TENM2: variants seen among roughly 807,000 people sequenced by gnomAD.
The protein encoded by TENM2 is teneurin transmembrane protein 2.
TENM2 carries 52 observed loss-of-function variants against 245.2 expected under a neutral mutation model. The ratio of observed to expected loss-of-function variants is 0.21; its 90% CI spans 0.17 to 0.27. The LOEUF (loss-of-function observed/expected upper bound fraction) is 0.27. Ranked by LOEUF, TENM2 falls within the 10% of genes least tolerant of loss-of-function variation. TENM2 has a pLI of 1.00. For synonymous variants in TENM2, 1,363 were observed against 1,438.9 expected, an observed-to-expected ratio of 0.95 and a Z score of 1.19; for missense variants, 3,046 against 3,666.8, an observed-to-expected ratio of 0.83 and a Z score of 4.37.
chr5:167,309,299 CTACTT>C (rs1168630033), intron 1 of TENM2, among the ~76,000 whole-genome samples: 3 of 152,150 alleles, frequency 2.0e-5, no homozygotes, highest in African/African-American at 4.8e-5. Flanking sequence ...TTACAATTCT[CTACTT>C]TACTATGATG....
At chr5:167,192,460 G>A in the TENM2 span, among the ~76,000 whole-genome samples, 8 of 152,126 alleles carry the variant, frequency 5.3e-5, no homozygotes, top group African/African-American at 1.9e-4. Flanking sequence ...CACAAAAGTG[G>A]TCATTTTGGT....
chr5:167,557,030 C>G (rs1773302097), intron 2 of TENM2, among the ~76,000 whole-genome samples: 2 of 152,036 alleles, frequency 1.3e-5, no homozygotes, highest in African/African-American at 4.8e-5. Flanking sequence ...TGTTTTTAAT[C>G]TTTATTGGCT....
At chr5:167,546,050 T>A (rs1378912818) in intron 2 of TENM2, among the ~76,000 whole-genome samples, 1 of 152,120 alleles carries the variant, frequency 6.6e-6, no homozygotes, top group East Asian at 1.9e-4. Flanking sequence ...CTCATTCGAG[T>A]CAGAAAATAT....
intron 2 of TENM2, among the ~76,000 whole-genome samples, chr5:167,773,709 G>A (rs868212743): frequency 1.3e-4 from 20 of 152,020 alleles, no homozygotes; most frequent in African/African-American, 4.3e-4. Context: ...ACAAGATTTC[G>A]GCTCCAGAAG....
the TENM2 span, among the ~76,000 whole-genome samples, chr5:167,215,230 T>C: frequency 6.6e-6 from 1 of 152,186 alleles, no homozygotes; most frequent in Non-Finnish European, 1.5e-5. Flanking sequence ...TGGACATCAC[T>C]TGAGAAGCTT....
the TENM2 span, among the ~76,000 whole-genome samples, chr5:167,086,310 A>C: frequency 1.1e-3 from 165 of 152,242 alleles, 2 homozygotes; most frequent in Middle Eastern, 3.4e-3. Flanking sequence ...CTGACTTTCA[A>C]AATTGGAAAG....
intron 24 of TENM2, among the ~76,000 whole-genome samples, chr5:168,226,823 A>G (rs1323262758): frequency 6.6e-6 from 1 of 152,190 alleles, no homozygotes; most frequent in African/African-American, 2.4e-5. Flanking sequence ...AGTCCAGGGC[A>G]AGCACTGGGG....
At chr5:167,698,683 T>TTTG (rs1554102354) in intron 2 of TENM2, among the ~76,000 whole-genome samples, 38 of 132,750 alleles carry the variant, frequency 2.9e-4, no homozygotes, top group African/African-American at 1.0e-3. Context: ...TTTTTTGTTT[T>TTTG]TTTTTTTTTT....
the TENM2 span, among the ~76,000 whole-genome samples, chr5:166,982,796 G>GC: frequency 2.0e-5 from 3 of 151,670 alleles, no homozygotes; most frequent in Non-Finnish European, 4.4e-5. Flanking sequence ...TTTTTTGGGG[G>GC]GGGGAGGAGA....
In TENM2 at chr5:168,216,889, G is replaced by A. The variant is rs757113981; in HGVS notation, c.4200G>A (p.Pro1400=). The A allele has an allele frequency of 2.5e-5, 41 of 1,613,820 alleles. No homozygotes were observed. In the Admixed American group the frequency reaches 3.5e-4, roughly 14 times the overall value. ...CCAATGACCTCACTGCCGTCCGGCC[G>A]CTGAGCTGTGATTCCAGCATGGATG... The change falls in exon 22 of 29, where the codon CCG becomes CCA. Residue 1400 remains proline (P), a synonymous_variant. Coordinates refer to ENST00000518659, the Ensembl canonical transcript of TENM2.
At chr5:167,459,168 T>C (rs1386004342) in intron 2 of TENM2, among the ~76,000 whole-genome samples, 2 of 152,142 alleles carry the variant, frequency 1.3e-5, no homozygotes, top group Non-Finnish European at 2.9e-5. Flanking sequence ...TCCCATACCA[T>C]CTGGAAACCA....
the TENM2 span, among the ~76,000 whole-genome samples, chr5:167,138,127 C>T: frequency 2.0e-5 from 3 of 152,184 alleles, no homozygotes; most frequent in Non-Finnish European, 4.4e-5. Context: ...ACTGTCTGTT[C>T]AAATCTCTCA....
At chr5:167,240,560 G>A in the TENM2 span, among the ~76,000 whole-genome samples, 3 of 152,146 alleles carry the variant, frequency 2.0e-5, no homozygotes, top group East Asian at 1.9e-4. Context: ...ACAGAAAAGA[G>A]CAGAGTTAAG....
Position 167,934,458 on chromosome 5 carries a change from T to C in TENM2, c.713-18130T>C, listed in dbSNP as rs997398838. Among the ~76,000 whole-genome samples the C allele has an allele frequency of 5.3e-5, 8 of 152,188 alleles. No individual in the cohort carries two copies. In the East Asian group the frequency reaches 1.2e-3, roughly 22 times the overall value. ...CTCATCTTATAGCCAAAATGTAACC[T>C]GGTAGGAGTGTAGACATCCCCATTT... is the stretch of plus-strand genomic sequence containing the variant. On this transcript the variant is annotated intron_variant, in intron 3 of 28. Transcript: ENST00000518659.
In TENM2 at chr5:168,062,281, A is replaced by T; in HGVS notation, c.1515+16A>T. The T allele has an allele frequency of 6.2e-7, 1 of 1,610,056 alleles. No individual in the cohort carries two copies. Among genetic ancestry groups the T allele is most frequent in the Non-Finnish European group, 8.5e-7 (1 of 1,176,856 alleles). ...TCATGCCCAGGTATGACCATGTTTGATGTAATCAAGCATTTAAAAAAATAT... is the reference window on the plus strand; with the variant it reads ...TCATGCCCAGGTATGACCATGTTTGTTGTAATCAAGCATTTAAAAAAATAT... On this transcript the variant is annotated intron_variant, in intron 7 of 28. Coordinates refer to ENST00000518659, the Ensembl canonical transcript of TENM2.
intron 3 of TENM2, among the ~76,000 whole-genome samples, chr5:167,877,535 T>G (rs1773529356): frequency 6.6e-6 from 1 of 152,236 alleles, no homozygotes; most frequent in Non-Finnish European, 1.5e-5. Flanking sequence ...ATGGCACTCT[T>G]AAAATGACAT....
Position 167,815,621 on chromosome 5 carries a change from A to G in TENM2, c.503-60365A>G, listed in dbSNP as rs539856173. 3.9e-5 allele frequency among the ~76,000 whole-genome samples: 6 copies of G among 152,308 alleles called. No individual in the cohort carries two copies. In the East Asian group the frequency reaches 1.2e-3, roughly 29 times the overall value. ...CTATAGTTTTGGTTCTATCCACAAC[A>G]GAACCTATGTAAATCCTACAAAGCC... On this transcript the variant is annotated intron_variant, in intron 2 of 28. Transcript: ENST00000518659.
intron 3 of TENM2, among the ~76,000 whole-genome samples, chr5:167,924,594 A>G (rs1777610152): frequency 6.6e-6 from 1 of 152,214 alleles, no homozygotes; most frequent in South Asian, 2.1e-4. Context: ...CTCCACTGAA[A>G]TGGATACATC....
chr5:167,606,041 G>A (rs1206338616), intron 2 of TENM2, among the ~76,000 whole-genome samples: 2 of 152,108 alleles, frequency 1.3e-5, no homozygotes, highest in Non-Finnish European at 2.9e-5. Context: ...TAGCTTGTTA[G>A]AGCCCGGACT....
Sources: allele counts gnomAD v4.1 joint callset (sites outside exome capture counted in the v4.1 genomes callset), GRCh38; gene constraint gnomAD v4.1.1; transcripts MANE v1.5; gene names NCBI Gene and HGNC (gene_info 2026-07-23, HGNC 2026-07-21).